The following ADAR variants were observed in gnomAD, a reference collection of about 807,000 sequenced individuals.
ADAR encodes double-stranded RNA-specific adenosine deaminase.
In ADAR, 41 loss-of-function variants were observed where a neutral mutation model predicts 113.2. The ratio of observed to expected loss-of-function variants is 0.36; its 90% CI spans 0.28 to 0.47. ADAR has a LOEUF of 0.47. ADAR is among the 20% of genes least tolerant of loss of function. The probability of loss-of-function intolerance (pLI) is 1.00; values close to 1 mark genes in which losing one functional copy is unlikely to be tolerated. For synonymous variants in ADAR, 605 were observed against 572.6 expected (o/e 1.06, Z -0.81); for missense variants, 1,242 against 1,540.9 (o/e 0.81, Z 3.25).
intron 1 of ADAR, among the ~76,000 whole-genome samples, chr1:154,626,781 G>C (rs1174629079): frequency 6.6e-6 from 1 of 152,196 alleles, no homozygotes; most frequent in African/African-American, 2.4e-5. Context: ...CAAAGTGGCA[G>C]ACCTGACTCC....
rs746103046 is a variant in ADAR, at chr1:154,602,587, C to G, written c.55G>C (p.Gly19Arg). 3.1e-6 allele frequency: 5 copies of G among 1,614,176 alleles called. No homozygotes were observed. The East Asian group carries it at 1.1e-4, about 36-fold the overall frequency. Reference protein sequence around the residue: ...LSGYYTHPFQGYEHRQLRYQQ... With the variant: ...LSGYYTHPFQRYEHRQLRYQQ... ...TACCTGAGCTGTCTGTGCTCATAGCCTTGAAATGGATGGGTGTAGTATCCG... is the reference window on the plus strand; with the variant it reads ...TACCTGAGCTGTCTGTGCTCATAGCGTTGAAATGGATGGGTGTAGTATCCG... Residue 19 changes from glycine (G) to arginine (R), a missense_variant, in exon 2 of 15, where the codon GGC (glycine) becomes CGC (arginine). Around this residue, in one of 2 missense-constraint regions of ADAR, gnomAD observed 462 missense variants for 483.1 expected, o/e 0.96. Coordinates refer to ENST00000368474, the MANE Select transcript of ADAR (RefSeq NM_001111.5).
At chr1:154,600,867 C>T in intron 2 of ADAR, 174 bp downstream of exon 2, 3 of 910,776 alleles carry the variant, frequency 3.3e-6, no homozygotes, top group South Asian at 3.0e-5. Context: ...GTCTATATTC[C>T]CTGCTCAATA....
At chr1:154,586,450 C>T in intron 11 of ADAR, 87 bp from the exon 12 acceptor site, 1 of 1,300,570 alleles carries the variant, frequency 7.7e-7, no homozygotes, top group Non-Finnish European at 1.1e-6. Flanking sequence ...AAGCTTGGGC[C>T]ACAGGCTACA....
At chr1:154,606,367 T>C (rs1399326388) in intron 1 of ADAR, among the ~76,000 whole-genome samples, 1 of 152,180 alleles carries the variant, frequency 6.6e-6, no homozygotes, top group Admixed American at 6.5e-5. Context: ...TCATATCTAT[T>C]TGTATTCACC....
In ADAR at chr1:154,589,360, C is replaced by T; in HGVS notation, c.2762+9G>A. ...CGGGCAGCCGGGCCACAGCTCTGAC[C>T]TCGCTCACCTGATGAAGCCTCTCCG... On this transcript the variant is annotated intron_variant, in intron 9 of 14. Coordinates refer to ENST00000368474, the MANE Select transcript of ADAR (RefSeq NM_001111.5). The T allele has an allele frequency of 1.2e-6, 2 of 1,613,142 alleles. No homozygotes were observed. Among genetic ancestry groups the T allele is most frequent in the African/African-American group, 2.7e-5 (2 of 75,038 alleles).
At chr1:154,600,840 A>G (rs1697821233) in intron 2 of ADAR, 1 of 706,590 alleles carries the variant, frequency 1.4e-6, no homozygotes, top group East Asian at 2.6e-5. Flanking sequence ...TTCAGCCAAG[A>G]TTCTGGCTGG....
At chr1:154,588,856 G>C (rs1696938692) in intron 9 of ADAR, among the ~76,000 whole-genome samples, 183 bp from the exon 10 acceptor site, 1 of 152,222 alleles carries the variant, frequency 6.6e-6, no homozygotes, top group Non-Finnish European at 1.5e-5. Context: ...TTAGCCTTTT[G>C]GGTCTCCTTC....
intron 1 of ADAR, among the ~76,000 whole-genome samples, chr1:154,604,151 C>T (rs75138290): frequency 0.027 from 4,104 of 152,270 alleles, 188 homozygotes; most frequent in African/African-American, 0.095. Context: ...AACAGCCTCA[C>T]ACAATATGCA....
chr1:154,602,244 A>C lies in ADAR; in HGVS notation c.398T>G (p.Leu133Arg). The change falls in exon 2 of 15, where the codon CTG becomes CGG. Residue 133 changes from leucine to arginine, a missense_variant. Leu to Arg is a moderately radical substitution (Grantham distance 102). Transcript: ENST00000368474. ...VDCLSSHFQE[L>R]SIYQDQEQRI... The stretch of plus-strand genomic sequence containing the variant: ...TTGTTCCTGATCTTGGTAGATACTC[A>C]GTTCCTGGAAATGTGAGGAAAGGCA... 6.2e-7 allele frequency: 1 copy of C among 1,614,156 alleles called. No individual in the cohort carries two copies. Among genetic ancestry groups the C allele is most frequent in the Non-Finnish European group, 8.5e-7 (1 of 1,180,024 alleles).
At chr1:154,613,677 G>A (rs1698552368) in intron 1 of ADAR, among the ~76,000 whole-genome samples, 1 of 152,074 alleles carries the variant, frequency 6.6e-6, no homozygotes, top group Non-Finnish European at 1.5e-5. Flanking sequence ...CACCGAGGTG[G>A]GTGGATCACC....
At position 154,597,125 on chromosome 1, in the gene ADAR, G is replaced by T. The variant is rs121912423; in HGVS notation, c.2077C>A (p.Gln693Lys). 6.2e-7 allele frequency: 1 copy of T among 1,614,176 alleles called. No individual in the cohort carries two copies. The highest frequency in any genetic ancestry group is 8.5e-7 in the Non-Finnish European group (1 of 1,180,026). The change falls in exon 5 of 15, where the codon CAG becomes AAG. Residue 693 changes from glutamine (Q) to lysine (K), a missense_variant and splice_region_variant. Around this residue, in one of 2 missense-constraint regions of ADAR, gnomAD observed 780 missense variants for 1,057.9 expected, o/e 0.74. Transcript: ENST00000368474. ...EATNSMASDN[Q>K]PEGMISESLD... ...TTTTGAGTAGGAAAACGCCCTACCT[G>T]GTTATCAGAAGCCATGGAGTTGGTC...
Position 154,601,900 on chromosome 1 carries a change from C to A in ADAR, c.742G>T (p.Val248Phe). 6.2e-7 allele frequency: 1 copy of A among 1,614,142 alleles called. No individual in the cohort carries two copies. ...TGCTGGTTCCAAGCCTGAGCTGAGACTGCAATAAAAGGCTCAAGAAGATCT... is the reference window on the plus strand; with the variant it reads ...TGCTGGTTCCAAGCCTGAGCTGAGAATGCAATAAAAGGCTCAAGAAGATCT... ...SEDLLEPFIA[V>F]SAQAWNQHSG... Residue 248 changes from valine to phenylalanine, a missense_variant, in exon 2 of 15, where the codon GTC (valine) becomes TTC (phenylalanine). Val to Phe is a conservative substitution (Grantham distance 50). Around this residue, in one of 2 missense-constraint regions of ADAR, gnomAD observed 462 missense variants for 483.1 expected, o/e 0.96. Transcript: ENST00000368474. This position sits in a 1 kb window ranked among gnomAD's most constrained non-coding sequence, Gnocchi z 4.7.
Position 154,608,168 on chromosome 1 carries a change from C to A in ADAR, c.-162G>T, listed in dbSNP as rs1451700388. ...AAACTCCGCGGGTCTGCGCGCCGGG[C>A]CCAAGATGGCTCCGGTTCAATTTCG... On this transcript the variant is annotated 5_prime_UTR_variant, in exon 1 of 15. Coordinates refer to ENST00000368474, the MANE Select transcript of ADAR (RefSeq NM_001111.5). 22 of 813,314 alleles carry A rather than the reference C, an allele frequency of 2.7e-5. No homozygotes were observed. The highest frequency in any genetic ancestry group is 4.0e-5 in the Non-Finnish European group (22 of 555,938). The allele number at this position is 813,314 out of a possible 1,614,324, so 50.4% of individuals were successfully genotyped here. A position where few individuals can be genotyped will look rare whatever the true frequency, so the allele number is the denominator to read the frequency against.
intron 12 of ADAR, 108 bp downstream of exon 12, chr1:154,586,073 A>G: frequency 7.0e-7 from 1 of 1,419,426 alleles, no homozygotes; most frequent in East Asian, 2.3e-5. Context: ...GGAGTGAATC[A>G]TGCTCACTTT....
intron 1 of ADAR, chr1:154,606,053 G>T (rs1698171085): frequency 1.6e-6 from 1 of 609,076 alleles, no homozygotes; most frequent in Admixed American, 6.3e-5. Flanking sequence ...TTGCCAAGCT[G>T]GAGTGCAGTG....
chr1:154,599,856 T>C (rs891362078), intron 2 of ADAR, among the ~76,000 whole-genome samples: 2 of 152,232 alleles, frequency 1.3e-5, no homozygotes, highest in African/African-American at 4.8e-5. Context: ...AGCCTACCCA[T>C]CTGTGCAGAG....
chr1:154,605,155 A>G (rs1240887602), intron 1 of ADAR, among the ~76,000 whole-genome samples: 1 of 152,028 alleles, frequency 6.6e-6, no homozygotes, highest in Non-Finnish European at 1.5e-5. Context: ...CTGTGTCTTA[A>G]ATGTGTTTTC....
At chr1:154,603,005 T>C (rs1174113729) in intron 1 of ADAR, among the ~76,000 whole-genome samples, 1 of 152,246 alleles carries the variant, frequency 6.6e-6, no homozygotes. Context: ...ATATATGTTA[T>C]TGTTTTGAAA....
intron 10 of ADAR, 43 bp from the exon 11 acceptor site, chr1:154,588,301 C>G (rs763252469): frequency 2.5e-6 from 4 of 1,613,986 alleles, no homozygotes; most frequent in Non-Finnish European, 3.4e-6. Flanking sequence ...TGTGGGAAAT[C>G]TGCAATTTCG....
Sources: gnomAD v4.1 joint callset for allele counts (sites outside exome capture counted in the v4.1 genomes callset) on GRCh38, gnomAD v4.1.1 for gene constraint, gnomAD v4.1.1 regional missense constraint, Gnocchi (gnomAD v3.1) non-coding constraint, MANE v1.5 for transcripts, NCBI Gene and HGNC (gene_info 2026-07-23, HGNC 2026-07-21) for gene names.